NCAPD3: variants seen among roughly 807,000 people sequenced by gnomAD.
NCAPD3 encodes the protein condensin-2 complex subunit D3.
In NCAPD3, 105 loss-of-function variants were observed where a neutral mutation model predicts 182.9. The observed-to-expected ratio is 0.57, with a 90% CI of 0.49 to 0.68. NCAPD3 has a LOEUF of 0.68. Ranked by LOEUF, NCAPD3 falls within the 30% of genes least tolerant of loss-of-function variation. The probability of loss-of-function intolerance (pLI) is 0.00; values close to 1 mark genes in which losing one functional copy is unlikely to be tolerated. For synonymous variants in NCAPD3, 815 were observed against 679.9 expected (o/e 1.20, Z -3.09); for missense variants, 1,944 against 1,837.0 (o/e 1.06, Z -1.07).
At chr11:134,176,051 A>T (rs1284541949) in intron 24 of NCAPD3, among the ~76,000 whole-genome samples, 1 of 152,200 alleles carries the variant, frequency 6.6e-6, no homozygotes, top group Non-Finnish European at 1.5e-5. Flanking sequence ...CTTCAGGAAC[A>T]GCAAACACTG....
chr11:134,205,076 C>G (rs1944823124), intron 8 of NCAPD3, 105 bp from the exon 9 acceptor site: 7 of 815,522 alleles, frequency 8.6e-6, no homozygotes, highest in Non-Finnish European at 1.4e-5. Context: ...AACACTCTAC[C>G]TCACGCTATA....
intron 13 of NCAPD3, among the ~76,000 whole-genome samples, chr11:134,197,273 CTTTT>C (rs35691982): frequency 8.9e-6 from 1 of 111,964 alleles, no homozygotes; most frequent in Non-Finnish European, 1.8e-5. Flanking sequence ...AGTCTCACAT[CTTTT>C]TTTTTTTTTT....
At position 134,151,098 on chromosome 11, in the gene NCAPD3, A is replaced by G. The variant is rs975728053; in HGVS notation, c.*1846T>C. ...TGCTGTAAAGCAAGGAGCTGCTGAG[A>G]AGGAGCACTCCACTGTGTGCCTGGA... On this transcript the variant is annotated 3_prime_UTR_variant, in exon 35 of 35. Coordinates refer to ENST00000534548, the MANE Select transcript of NCAPD3 (RefSeq NM_015261.3). 1 of 152,248 alleles carries G rather than the reference A, an allele frequency of 6.6e-6. No homozygotes were observed. The highest frequency in any genetic ancestry group is 6.5e-5 in the Admixed American group (1 of 15,292). 9.4% of individuals were successfully genotyped at this position (152,248 alleles called of 1,614,324 possible).
intron 16 of NCAPD3, among the ~76,000 whole-genome samples, chr11:134,190,886 A>G (rs1436786275): frequency 6.6e-6 from 1 of 152,196 alleles, no homozygotes. Context: ...GTTGGGTGCA[A>G]GATTCTAACT....
rs1014543577 is a variant in NCAPD3 at position 134,223,517 on chromosome 11, GAAGA to G, written c.64+342_64+345del. 9 of 701,602 alleles carry G rather than the reference GAAGA, an allele frequency of 1.3e-5. No individual in the cohort carries two copies. The Admixed American group carries it at 1.6e-4, about 12-fold the overall frequency. 43.5% of individuals were successfully genotyped at this position (701,602 alleles called of 1,614,324 possible). On this transcript the variant is annotated intron_variant, in intron 1 of 34. Transcript: ENST00000534548. Reference sequence around the variant, plus strand: ...TGAAGTTCAAGAAATAAGTCTGGCGGAAGAAAGAGATTTGCAATTTAAAACCATC... The same window carrying G: ...TGAAGTTCAAGAAATAAGTCTGGCGGAAGAGATTTGCAATTTAAAACCATC...
chr11:134,183,133 T>A (rs1172315896), intron 19 of NCAPD3: 2 of 456,050 alleles, frequency 4.4e-6, no homozygotes, highest in Admixed American at 2.4e-5. Flanking sequence ...GCTGTACACA[T>A]GATTCTTTTT....
intron 19 of NCAPD3, among the ~76,000 whole-genome samples, chr11:134,183,850 T>TA (rs1944345774): frequency 6.6e-6 from 1 of 152,148 alleles, no homozygotes; most frequent in African/African-American, 2.4e-5. Flanking sequence ...CACAGGAAGG[T>TA]AGTTGGGGAG....
At chr11:134,178,282 A>G (rs1044096589) in intron 22 of NCAPD3, among the ~76,000 whole-genome samples, 8 of 152,202 alleles carry the variant, frequency 5.3e-5, no homozygotes, top group African/African-American at 1.9e-4. Flanking sequence ...TGCATTATGA[A>G]TATTAAAATA....
Position 134,185,457 on chromosome 11 carries a change from A to G in NCAPD3, c.2115T>C (p.Asn705=), listed in dbSNP as rs745868331. The G allele has an allele frequency of 1.1e-5, 17 of 1,613,692 alleles. No homozygotes were observed. Among genetic ancestry groups the G allele is most frequent in the Non-Finnish European group, 1.4e-5 (16 of 1,179,848 alleles). The change falls in exon 17 of 35, where the codon AAT becomes AAC. Residue 705 remains asparagine, a synonymous_variant. Transcript: ENST00000534548. ...GTTCCGTGCCAGTGTGAGATATTAC[A>G]TTGTTTATAAAAGTGGGTGAGAATT... is the stretch of plus-strand genomic sequence containing the variant. ...KEKFSPTFIN[N]VISHTGTEHS... is the part of the protein sequence containing the mutation.
rs1555122839 is a variant in NCAPD3 at position 134,152,353 on chromosome 11, T to TAACAA, written c.*586_*590dup. ...TAGGGAAGATTTGGTTTCATTCCTC[T>TAACAA]AACAAACAAACATGCTTTATGTAAA... On this transcript the variant is annotated 3_prime_UTR_variant, in exon 35 of 35. Transcript: ENST00000534548. 6.6e-6 allele frequency: 1 copy of TAACAA among 152,244 alleles called. No individual in the cohort carries two copies. The highest frequency in any genetic ancestry group is 1.5e-5 in the Non-Finnish European group (1 of 68,038). The allele number at this position is 152,244 out of a possible 1,614,324, so 9.4% of individuals were successfully genotyped here. A position where few individuals can be genotyped will look rare whatever the true frequency, so the allele number is the denominator to read the frequency against.
intron 27 of NCAPD3, among the ~76,000 whole-genome samples, chr11:134,163,897 A>G (rs567931561): frequency 6.0e-5 from 9 of 149,940 alleles, no homozygotes; most frequent in South Asian, 2.2e-4. Context: ...AAAAAAGAAA[A>G]AGAAAGAAAG....
intron 19 of NCAPD3, 100 bp from the exon 20 acceptor site, chr11:134,181,284 T>G: frequency 1.3e-6 from 1 of 760,986 alleles, no homozygotes; most frequent in Non-Finnish European, 2.2e-6. Context: ...TTCAAATGGA[T>G]AGGCTGTAGG....
Position 134,168,517 on chromosome 11 carries a change from C to T in NCAPD3, c.3325G>A (p.Asp1109Asn). Residue 1109 changes from aspartate (D) to asparagine (N), a missense_variant, in exon 26 of 35, where the codon GAT (aspartate) becomes AAT (asparagine). Around this residue, in one of 3 missense-constraint regions of NCAPD3, gnomAD observed 1,803 missense variants for 1,674.6 expected, o/e 1.08. Transcript: ENST00000534548. ...GAAGTGATGTTGAATCGCTGTTCAT[C>T]TGTGAAGTGCTCTAGAAGAAATTTG... is the stretch of plus-strand genomic sequence containing the variant. ...IYKFLLEHFTDEQRFNITSKI... is the reference protein window; with the variant it reads ...IYKFLLEHFTNEQRFNITSKI... The T allele has an allele frequency of 6.2e-7, 1 of 1,614,240 alleles. No homozygotes were observed. Among genetic ancestry groups the T allele is most frequent in the Non-Finnish European group, 8.5e-7 (1 of 1,180,046 alleles).
chr11:134,165,262 G>A (rs918390254), intron 27 of NCAPD3, among the ~76,000 whole-genome samples: 2 of 148,530 alleles, frequency 1.3e-5, no homozygotes, highest in African/African-American at 5.0e-5. Flanking sequence ...GATAAGCTGA[G>A]GGGGAGCTGC....
chr11:134,154,787 G>C (rs1943373708), intron 32 of NCAPD3, among the ~76,000 whole-genome samples: 1 of 152,258 alleles, frequency 6.6e-6, no homozygotes, highest in Non-Finnish European at 1.5e-5. Context: ...TTGGTGTCTT[G>C]AGTATGGACT....
At chr11:134,218,944 C>T (rs1323185962) in intron 2 of NCAPD3, among the ~76,000 whole-genome samples, 1 of 152,150 alleles carries the variant, frequency 6.6e-6, no homozygotes, top group Non-Finnish European at 1.5e-5. Flanking sequence ...CCACTGTAAC[C>T]TCTTTCACAC....
chr11:134,166,363 C>A (rs1323935116), intron 27 of NCAPD3, among the ~76,000 whole-genome samples: 1 of 12,720 alleles, frequency 7.9e-5, no homozygotes, highest in Non-Finnish European at 1.2e-4. Context: ...GGGAGCAGCA[C>A]ACTCACTTGT....
At chr11:134,176,556 C>G (rs1591837014) in intron 23 of NCAPD3, among the ~76,000 whole-genome samples, 170 bp from the exon 24 acceptor site, 1 of 152,252 alleles carries the variant, frequency 6.6e-6, no homozygotes, top group South Asian at 2.1e-4. Flanking sequence ...ATGTGCAGAA[C>G]AACATCACCC....
intron 12 of NCAPD3, 108 bp downstream of exon 12, chr11:134,203,034 A>T: frequency 8.5e-7 from 1 of 1,180,746 alleles, no homozygotes; most frequent in South Asian, 1.4e-5. Flanking sequence ...TCATGAAAAA[A>T]GTACAATGTT....
Sources: gnomAD v4.1 joint callset for allele counts (sites outside exome capture counted in the v4.1 genomes callset) on GRCh38, gnomAD v4.1.1 for gene constraint, gnomAD v4.1.1 regional missense constraint, MANE v1.5 for transcripts, NCBI Gene and HGNC (gene_info 2026-07-23, HGNC 2026-07-21) for gene names.